PTPRD: variants seen among roughly 807,000 people sequenced by gnomAD.
The protein encoded by PTPRD is receptor-type tyrosine-protein phosphatase delta.
In PTPRD, 34 loss-of-function variants were observed where a neutral mutation model predicts 214.5. The ratio of observed to expected loss-of-function variants is 0.16; its 90% confidence interval spans 0.12 to 0.21. The LOEUF (loss-of-function observed/expected upper bound fraction) is 0.21. Ranked by LOEUF, PTPRD falls within the 10% of genes least tolerant of loss-of-function variation. The pLI is 1.00. For missense variants in PTPRD, 2,545 were observed against 2,398.7 expected (o/e 1.06, Z -1.27); for synonymous variants, 1,128 against 845.7 (o/e 1.33, Z -5.79).
chr9:9,980,126 A>T (rs2095489874), intron 4 of PTPRD, among the ~76,000 whole-genome samples: 1 of 152,174 alleles, frequency 6.6e-6, no homozygotes, highest in Non-Finnish European at 1.5e-5. Flanking sequence ...CAATATTTCA[A>T]AATTAAGCAT....
At chr9:9,619,604 T>C (rs1437561924) in intron 7 of PTPRD, among the ~76,000 whole-genome samples, 4 of 145,928 alleles carry the variant, frequency 2.7e-5, no homozygotes, top group Admixed American at 6.9e-5. Flanking sequence ...AGAGATAATA[T>C]ACAAATATCT....
intron 2 of PTPRD, among the ~76,000 whole-genome samples, chr9:10,391,402 C>T (rs2098062573): frequency 1.3e-5 from 2 of 151,622 alleles, no homozygotes; most frequent in Non-Finnish European, 2.9e-5. Context: ...TCTTTATGCT[C>T]AACAGAAGAA....
At chr9:9,586,153 T>A (rs538138107) in intron 7 of PTPRD, among the ~76,000 whole-genome samples, 1 of 152,076 alleles carries the variant, frequency 6.6e-6, no homozygotes, top group Admixed American at 6.6e-5. Context: ...GTTCTGGCTG[T>A]TAACCATTTG....
intron 8 of PTPRD, among the ~76,000 whole-genome samples, chr9:9,536,408 G>A (rs1453717131): frequency 3.9e-5 from 6 of 151,902 alleles, no homozygotes; most frequent in African/African-American, 1.2e-4. Context: ...GCATATTAAA[G>A]GACAGGAATT....
intron 7 of PTPRD, among the ~76,000 whole-genome samples, chr9:9,635,714 C>T (rs1386295736): frequency 1.3e-5 from 2 of 152,296 alleles, no homozygotes; most frequent in South Asian, 2.1e-4. Flanking sequence ...GTTACTTCAG[C>T]GAGCCTGAAA....
intron 2 of PTPRD, among the ~76,000 whole-genome samples, chr9:10,576,622 T>C (rs967662472): frequency 2.6e-5 from 4 of 152,130 alleles, no homozygotes; most frequent in Non-Finnish European, 4.4e-5. Flanking sequence ...TAAACGATTG[T>C]CTCATCACTG....
At chr9:8,722,111 T>C (rs1312269255) in intron 12 of PTPRD, among the ~76,000 whole-genome samples, 1 of 143,610 alleles carries the variant, frequency 7.0e-6, no homozygotes, top group African/African-American at 2.6e-5. Flanking sequence ...TCTCCATACA[T>C]TAAGTATTAC....
intron 5 of PTPRD, among the ~76,000 whole-genome samples, chr9:9,836,246 C>A (rs10816202): frequency 0.099 from 15,057 of 152,150 alleles, 2,288 homozygotes; most frequent in East Asian, 0.74. Context: ...ATGAGTGCTC[C>A]ATGTACAAGT....
intron 2 of PTPRD, among the ~76,000 whole-genome samples, chr9:10,497,994 C>T (rs1387854948): frequency 4.6e-5 from 7 of 151,886 alleles, no homozygotes. Context: ...AAAAGATTAG[C>T]TAAAAGAAGG....
intron 5 of PTPRD, among the ~76,000 whole-genome samples, chr9:9,814,901 G>C (rs1361308613): frequency 1.4e-5 from 2 of 147,754 alleles, no homozygotes; most frequent in Non-Finnish European, 3.0e-5. Context: ...CTGGGCTCAA[G>C]CGATCCTTTC....
intron 10 of PTPRD, among the ~76,000 whole-genome samples, chr9:9,129,810 C>T (rs73641221): frequency 6.6e-6 from 1 of 152,058 alleles, no homozygotes; most frequent in Non-Finnish European, 1.5e-5. Flanking sequence ...AAAATATTTA[C>T]CATGGATTTA....
chr9:10,259,147 G>C (rs2498622), intron 3 of PTPRD, among the ~76,000 whole-genome samples: 24,137 of 151,802 alleles, frequency 0.16, 2,033 homozygotes, highest in African/African-American at 0.2. Flanking sequence ...CTCAGCCTCC[G>C]GAGTAGCTGG....
chr9:9,675,357 A>C (rs10816161), intron 7 of PTPRD, among the ~76,000 whole-genome samples: 58,577 of 151,566 alleles, frequency 0.39, 11,744 homozygotes, highest in Admixed American at 0.52. Context: ...TTAATCAACT[A>C]ATATCTCATC....
intron 2 of PTPRD, among the ~76,000 whole-genome samples, chr9:10,455,882 T>C (rs1057504419): frequency 2.6e-5 from 4 of 151,866 alleles, no homozygotes; most frequent in African/African-American, 7.2e-5. Context: ...TTTTTTGCTT[T>C]GACTGCTAGG....
chr9:10,536,779 T>A (rs192087226), intron 2 of PTPRD, among the ~76,000 whole-genome samples: 1 of 152,242 alleles, frequency 6.6e-6, no homozygotes, highest in East Asian at 1.9e-4. Flanking sequence ...AAAAGTGAGG[T>A]TAATACCTCA....
rs547132120 is a variant in PTPRD, at chr9:10,556,799, T to C, written c.-600+55599A>G. 2.0e-5 allele frequency among the ~76,000 whole-genome samples: 3 copies of C among 152,212 alleles called. No homozygotes were observed. In the South Asian group the frequency reaches 6.2e-4, roughly 32 times the overall value. Reference sequence around the variant, plus strand: ...ATTTTAGAAATGTACTGCGGGAAGATGGATTGGTACAATACAGTAAAAATA... The same window carrying C: ...ATTTTAGAAATGTACTGCGGGAAGACGGATTGGTACAATACAGTAAAAATA... On this transcript the variant is annotated intron_variant, in intron 2 of 45. Coordinates refer to ENST00000381196, the MANE Select transcript of PTPRD (RefSeq NM_002839.4).
At chr9:9,399,557 G>C (rs997694380) in intron 8 of PTPRD, among the ~76,000 whole-genome samples, 4 of 152,026 alleles carry the variant, frequency 2.6e-5, no homozygotes, top group African/African-American at 9.7e-5. Context: ...GCTTGGCTGT[G>C]ACCCTACCTA....
At chr9:8,652,783 G>A (rs936130521) in intron 12 of PTPRD, among the ~76,000 whole-genome samples, 1 of 152,110 alleles carries the variant, frequency 6.6e-6, no homozygotes, top group African/African-American at 2.4e-5. Flanking sequence ...AGAAGAAAAT[G>A]CTTTCTTGTA....
At chr9:8,943,374 A>T (rs1488180587) in intron 11 of PTPRD, among the ~76,000 whole-genome samples, 1 of 152,004 alleles carries the variant, frequency 6.6e-6, no homozygotes, top group African/African-American at 2.4e-5. Flanking sequence ...ACTTCAAATT[A>T]TACTACAGAG....
Sources: gnomAD v4.1 joint callset for allele counts (sites outside exome capture counted in the v4.1 genomes callset) on GRCh38, gnomAD v4.1.1 for gene constraint, MANE v1.5 for transcripts, NCBI Gene and HGNC (gene_info 2026-07-23, HGNC 2026-07-21) for gene names.